HTRA3: variants seen among roughly 807,000 people sequenced by gnomAD.
HTRA3 encodes the protein serine protease HTRA3.
In HTRA3, 41 loss-of-function variants were observed where a neutral mutation model predicts 43.2. The observed-to-expected ratio is 0.95, with a 90% CI of 0.74 to 1.23. HTRA3 has a LOEUF of 1.23. Ranked by LOEUF, HTRA3 falls within the 50% of genes most tolerant of loss-of-function variation. The probability of loss-of-function intolerance (pLI) is 0.00; values close to 1 mark genes in which losing one functional copy is unlikely to be tolerated. For synonymous variants in HTRA3, 295 were observed against 287.9 expected (o/e 1.02, Z -0.25); for missense variants, 628 against 647.1 (o/e 0.97, Z 0.32).
rs1360706306 is a variant in HTRA3, at chr4:8,305,827, G to C, written c.1197-144G>C. On this transcript the variant is annotated intron_variant, in intron 8 of 8. Transcript: ENST00000307358. ...GTTTTCTTCTGGTGTGAGAGCTTTG[G>C]GGCTGGGGCACTGTTCTTTCCCATC... The C allele has an allele frequency of 2.4e-5, 20 of 825,772 alleles. No homozygotes were observed. In the East Asian group the frequency reaches 5.0e-4, roughly 21 times the overall value. The allele number at this position is 825,772 out of a possible 1,614,324, so 51.2% of individuals were successfully genotyped here. A position where few individuals can be genotyped will look rare whatever the true frequency, so the allele number is the denominator to read the frequency against.
At chr4:8,276,827 G>A (rs759048661) in intron 1 of HTRA3, among the ~76,000 whole-genome samples, 13 of 152,194 alleles carry the variant, frequency 8.5e-5, no homozygotes, top group Non-Finnish European at 1.6e-4. Context: ...CAGGGGAAGC[G>A]CCCAGGTCAG....
intron 2 of HTRA3, among the ~76,000 whole-genome samples, chr4:8,285,821 G>A (rs1366264481): frequency 6.6e-6 from 1 of 152,238 alleles, no homozygotes; most frequent in Non-Finnish European, 1.5e-5. Context: ...CCTGCCCTCG[G>A]GGTGTCCAGG....
In HTRA3 at chr4:8,286,180, C is replaced by T. The variant is rs1375379172; in HGVS notation, c.486-381C>T. On this transcript the variant is annotated intron_variant, in intron 2 of 8. Coordinates refer to ENST00000307358, the MANE Select transcript of HTRA3 (RefSeq NM_053044.5). This position sits in a 1 kb window ranked among gnomAD's most constrained non-coding sequence, Gnocchi z 4.9. Reference sequence around the variant, plus strand: ...ACCAAGGCTCAGAGAGCTTCACTGACCTGCCCACGGTCAGGCAGATAATAA... The same window carrying T: ...ACCAAGGCTCAGAGAGCTTCACTGATCTGCCCACGGTCAGGCAGATAATAA... Among the ~76,000 whole-genome samples, 1 of 152,190 alleles carries T rather than the reference C, an allele frequency of 6.6e-6. No homozygotes were observed. Among genetic ancestry groups the T allele is most frequent in the Non-Finnish European group, 1.5e-5 (1 of 68,032 alleles).
At chr4:8,304,326 G>A (rs779008552) in intron 8 of HTRA3, 47 bp downstream of exon 8, 3 of 1,497,686 alleles carry the variant, frequency 2.0e-6, no homozygotes, top group South Asian at 2.3e-5. Context: ...GCAGGCGTGA[G>A]GTCTGGGCTG....
At chr4:8,285,925 G>A (rs1029417951) in intron 2 of HTRA3, among the ~76,000 whole-genome samples, 16 of 152,180 alleles carry the variant, frequency 1.1e-4, no homozygotes, top group African/African-American at 2.7e-4. Context: ...GTGGGAATAA[G>A]CCTTCTCAGC....
At chr4:8,291,714 G>A (rs1476726347) in intron 4 of HTRA3, 150 bp downstream of exon 4, 3 of 643,610 alleles carry the variant, frequency 4.7e-6, no homozygotes, top group Non-Finnish European at 5.3e-6. Context: ...CTTTACATTC[G>A]GTGGAGCTCT....
chr4:8,304,035 A>C, intron 7 of HTRA3, 149 bp from the exon 8 acceptor site: 2 of 600,220 alleles, frequency 3.3e-6, no homozygotes, highest in Non-Finnish European at 5.9e-6. Context: ...GGTAGGGGAC[A>C]CAGAGTGGCC....
In HTRA3 at chr4:8,286,464, C is replaced by G; in HGVS notation, c.486-97C>G. The G allele has an allele frequency of 1.1e-6, 1 of 950,206 alleles. No homozygotes were observed. Among genetic ancestry groups the G allele is most frequent in the East Asian group, 2.4e-5 (1 of 41,684 alleles). The allele number at this position is 950,206 out of a possible 1,614,324, so 58.9% of individuals were successfully genotyped here. A position where few individuals can be genotyped will look rare whatever the true frequency, so the allele number is the denominator to read the frequency against. ...AGACCTGTGTTCTGTCAGCCACACA[C>G]TGGCTCTGCTCCTCGCTGACCAGCC... On this transcript the variant is annotated intron_variant, in intron 2 of 8. Transcript: ENST00000307358. This position sits in a 1 kb window ranked among gnomAD's most constrained non-coding sequence, Gnocchi z 4.9.
At position 8,305,580 on chromosome 4, in the gene HTRA3, C is replaced by T. The variant is rs182190301; in HGVS notation, c.1197-391C>T. On this transcript the variant is annotated intron_variant, in intron 8 of 8. Transcript: ENST00000307358. ...AAGGCTGGCCCCGTGAGCTCTGCCT[C>T]CCACATAGACGTCTTCGTAACTGCA... Among the ~76,000 whole-genome samples the T allele has an allele frequency of 8.1e-4, 124 of 152,292 alleles. No individual in the cohort carries two copies. The East Asian group carries it at 0.013, about 16-fold the overall frequency.
chr4:8,270,309 C>G lies in HTRA3; in HGVS notation c.341C>G (p.Ser114Cys), dbSNP rs1358497003. Residue 114 changes from serine (S) to cysteine (C), a missense_variant, in exon 1 of 9, where the codon TCC becomes TGC. Ser to Cys is a moderately radical substitution (Grantham distance 112, BLOSUM62 -1). Transcript: ENST00000307358. ...QAASRRALQL[S>C]GTPVRQLQKG... ...GCCAGCCGCCGCGCGCTGCAGCTCTCCGGGACGCCCGTGCGCCAGCTGCAG... is the reference window on the plus strand; with the variant it reads ...GCCAGCCGCCGCGCGCTGCAGCTCTGCGGGACGCCCGTGCGCCAGCTGCAG... The G allele has an allele frequency of 3.4e-6, 5 of 1,466,960 alleles. No individual in the cohort carries two copies. In the South Asian group the frequency reaches 5.2e-5, roughly 15 times the overall value. 90.9% of individuals were successfully genotyped at this position (1,466,960 alleles called of 1,614,324 possible).
chr4:8,278,288 G>A (rs964298560), intron 1 of HTRA3, among the ~76,000 whole-genome samples: 37 of 151,868 alleles, frequency 2.4e-4, no homozygotes, highest in African/African-American at 7.5e-4. Flanking sequence ...TCCTCTCCTG[G>A]GATGTGACAC....
chr4:8,301,660 T>C (rs903214961), intron 6 of HTRA3, among the ~76,000 whole-genome samples: 5 of 152,236 alleles, frequency 3.3e-5, no homozygotes, highest in Non-Finnish European at 7.3e-5. Context: ...TTTTCTAATA[T>C]AGACACTTTA....
At chr4:8,280,088 TAG>T (rs1712683233) in intron 1 of HTRA3, among the ~76,000 whole-genome samples, 1 of 150,666 alleles carries the variant, frequency 6.6e-6, no homozygotes, top group African/African-American at 2.4e-5. Flanking sequence ...GTAGGGAGAG[TAG>T]AGAGAGGTCG....
At chr4:8,304,395 G>A (rs1008030362) in intron 8 of HTRA3, 116 bp downstream of exon 8, 24 of 756,652 alleles carry the variant, frequency 3.2e-5, no homozygotes, top group African/African-American at 2.4e-4. Flanking sequence ...CCGGGAAGGG[G>A]CAGGTGGATT....
rs1218049468 is a variant in HTRA3, at chr4:8,295,480, T to C, written c.1051+1279T>C. ...CTCTCCCAAGTGAGAGCATGCCCAT[T>C]GCCTCCTTAAGTGGGCAGTCGCAGC... On this transcript the variant is annotated intron_variant, in intron 6 of 8. Transcript: ENST00000307358. The surrounding 1 kb of genome is among the most constrained non-coding windows in gnomAD (Gnocchi z 6.9). 6.6e-6 allele frequency among the ~76,000 whole-genome samples: 1 copy of C among 152,218 alleles called. No homozygotes were observed. The highest frequency in any genetic ancestry group is 1.5e-5 in the Non-Finnish European group (1 of 68,026).
Position 8,302,587 on chromosome 4 carries a change from G to C in HTRA3, c.1100+76G>C, listed in dbSNP as rs1713694824. 9 of 1,460,826 alleles carry C rather than the reference G, an allele frequency of 6.2e-6. No individual in the cohort carries two copies. The Admixed American group carries it at 1.5e-4, about 25-fold the overall frequency. 90.5% of individuals were successfully genotyped at this position (1,460,826 alleles called of 1,614,324 possible). On this transcript the variant is annotated intron_variant, in intron 7 of 8. Transcript: ENST00000307358. Reference sequence around the variant, plus strand: ...ACCCTGACCCTCCCTCCAGACCCTGGCTGGCTGTGTTCGGCTCCTTGCAGG... The same window carrying C: ...ACCCTGACCCTCCCTCCAGACCCTGCCTGGCTGTGTTCGGCTCCTTGCAGG...
intron 1 of HTRA3, among the ~76,000 whole-genome samples, chr4:8,274,266 C>G (rs890338436): frequency 2.0e-5 from 3 of 152,268 alleles, no homozygotes; most frequent in Non-Finnish European, 4.4e-5. Context: ...CTTCCCTTGC[C>G]TTAGCGTGGT....
At chr4:8,270,750 G>T (rs561676799) in intron 1 of HTRA3, among the ~76,000 whole-genome samples, 2 of 152,296 alleles carry the variant, frequency 1.3e-5, no homozygotes, top group South Asian at 4.1e-4. Context: ...CCTCTTGGGT[G>T]ATGCCTTCTT....
chr4:8,286,735 A>C lies in HTRA3; in HGVS notation c.660A>C (p.Lys220Asn), dbSNP rs772730381. 5.6e-6 allele frequency: 9 copies of C among 1,614,038 alleles called. No individual in the cohort carries two copies. The highest frequency in any genetic ancestry group is 7.6e-6 in the Non-Finnish European group (9 of 1,180,034). The stretch of plus-strand genomic sequence containing the variant: ...GGGACTCCTATGAGGCCACCATCAA[A>C]GACATCGACAAGAAGTCGGACATTG... ...QNGDSYEATIKDIDKKSDIAT... is the reference protein window; with the variant it reads ...QNGDSYEATINDIDKKSDIAT... The change falls in exon 3 of 9, where the codon AAA becomes AAC. Residue 220 changes from lysine to asparagine, a missense_variant. Lys to Asn is a moderately conservative substitution (Grantham distance 94). Coordinates refer to ENST00000307358, the MANE Select transcript of HTRA3 (RefSeq NM_053044.5). The surrounding 1 kb of genome is among the most constrained non-coding windows in gnomAD (Gnocchi z 4.9).
Sources: allele counts gnomAD v4.1 joint callset (sites outside exome capture counted in the v4.1 genomes callset), GRCh38; gene constraint gnomAD v4.1.1; non-coding constraint Gnocchi (gnomAD v3.1); transcripts MANE v1.5; gene names NCBI Gene and HGNC (gene_info 2026-07-23, HGNC 2026-07-21).